The following CSMD1 variants were observed in gnomAD, a reference collection of about 807,000 sequenced individuals.
CSMD1 encodes the protein CUB and Sushi multiple domains 1, also known as CUB and sushi domain-containing protein 1.
A neutral mutation model predicts 417.5 loss-of-function variants in CSMD1; 213 were observed. That is an observed-to-expected ratio of 0.51 (90% CI 0.46 to 0.57). The LOEUF (loss-of-function observed/expected upper bound fraction) is 0.57. CSMD1 is among the 20% of genes least tolerant of loss of function. The pLI, the probability that CSMD1 is intolerant of heterozygous loss-of-function variation, is 0.00. For missense variants in CSMD1, 6,923 were observed against 4,529.7 expected (o/e 1.53, Z -15.17); for synonymous variants, 2,862 against 1,736.8 (o/e 1.65, Z -16.11).
intron 10 of CSMD1, among the ~76,000 whole-genome samples, chr8:3,508,667 T>G (rs1796936519): frequency 6.6e-6 from 1 of 152,176 alleles, no homozygotes; most frequent in Non-Finnish European, 1.5e-5. Flanking sequence ...TTATTGTACT[T>G]CCAGCTTATC....
chr8:4,200,433 C>A (rs1466228666), intron 3 of CSMD1, among the ~76,000 whole-genome samples: 2 of 152,172 alleles, frequency 1.3e-5, no homozygotes, highest in Admixed American at 6.5e-5. Context: ...AATAACCCCA[C>A]AGCCGTCTAC....
intron 3 of CSMD1, among the ~76,000 whole-genome samples, chr8:4,333,989 C>G (rs768401075): frequency 6.6e-6 from 1 of 152,208 alleles, no homozygotes; most frequent in East Asian, 1.9e-4. Flanking sequence ...TGTTCTGCCT[C>G]AAGCCATCCT....
At chr8:3,248,728 T>G (rs1800061160) in intron 26 of CSMD1, among the ~76,000 whole-genome samples, 1 of 152,070 alleles carries the variant, frequency 6.6e-6, no homozygotes, top group Admixed American at 6.6e-5. Context: ...CCAAACAGCT[T>G]TGACTAACAC....
At chr8:3,505,810 T>A in intron 10 of CSMD1, among the ~76,000 whole-genome samples, 1 of 152,146 alleles carries the variant, frequency 6.6e-6, no homozygotes, top group East Asian at 1.9e-4. Context: ...GATTTTTAAA[T>A]GTCTCAGGTA....
At chr8:4,502,534 C>G (rs914528254) in intron 2 of CSMD1, among the ~76,000 whole-genome samples, 5 of 152,128 alleles carry the variant, frequency 3.3e-5, no homozygotes, top group African/African-American at 1.2e-4. Flanking sequence ...CACATTAAAC[C>G]CCATAAGTGC....
At chr8:3,716,920 C>A (rs1297526046) in intron 6 of CSMD1, among the ~76,000 whole-genome samples, 1 of 152,068 alleles carries the variant, frequency 6.6e-6, no homozygotes, top group Non-Finnish European at 1.5e-5. Flanking sequence ...GGAGTACATC[C>A]TATTTAATTC....
At chr8:3,828,959 G>A (rs1459839847) in intron 5 of CSMD1, among the ~76,000 whole-genome samples, 1 of 151,960 alleles carries the variant, frequency 6.6e-6, no homozygotes, top group Non-Finnish European at 1.5e-5. Context: ...TCTTACATAT[G>A]GCAACACAGT....
intron 3 of CSMD1, among the ~76,000 whole-genome samples, chr8:4,232,959 G>C (rs1223588761): frequency 6.6e-6 from 1 of 152,090 alleles, no homozygotes; most frequent in Non-Finnish European, 1.5e-5. Context: ...AGCATAATTT[G>C]GTTATTCATA....
intron 8 of CSMD1, among the ~76,000 whole-genome samples, chr8:3,592,711 A>C (rs1444629855): frequency 2.1e-5 from 3 of 143,916 alleles, no homozygotes; most frequent in African/African-American, 2.5e-5. Flanking sequence ...TGTGTGTGTG[A>C]GTATGCACAG....
chr8:3,733,563 G>A (rs901899280), intron 6 of CSMD1, among the ~76,000 whole-genome samples: 10 of 151,946 alleles, frequency 6.6e-5, no homozygotes, highest in Non-Finnish European at 4.4e-5. Context: ...GTTGTAAGTT[G>A]CGGGCCATTC....
At chr8:3,927,755 G>A (rs527620608) in intron 5 of CSMD1, among the ~76,000 whole-genome samples, 28 of 152,160 alleles carry the variant, frequency 1.8e-4, no homozygotes, top group Admixed American at 6.6e-4. Flanking sequence ...ATTTGATTGC[G>A]TATAAGCAGA....
At chr8:4,442,503 A>G (rs1798543030) in intron 2 of CSMD1, among the ~76,000 whole-genome samples, 1 of 152,144 alleles carries the variant, frequency 6.6e-6, no homozygotes, top group Non-Finnish European at 1.5e-5. Flanking sequence ...TATATAAAAG[A>G]TGTTATTCCT....
intron 3 of CSMD1, among the ~76,000 whole-genome samples, chr8:4,237,303 G>A (rs550739435): frequency 6.6e-6 from 1 of 152,264 alleles, no homozygotes; most frequent in East Asian, 1.9e-4. Flanking sequence ...AATATTGAGA[G>A]GGAATGTTAA....
At position 2,938,419 on chromosome 8, in the gene CSMD1, T is replaced by C. The variant is rs1801642759; in HGVS notation, c.*166A>G. 1.3e-5 allele frequency: 8 copies of C among 638,426 alleles called. No homozygotes were observed. Among genetic ancestry groups the C allele is most frequent in the Non-Finnish European group, 2.1e-5 (8 of 381,170 alleles). The allele number at this position is 638,426 out of a possible 1,614,324, so 39.5% of individuals were successfully genotyped here. ...GTGTAGTTTGATCCGTAGAAGACCCTGACACATTTGAGTAGAGATCCCCGC... is the reference window on the plus strand; with the variant it reads ...GTGTAGTTTGATCCGTAGAAGACCCCGACACATTTGAGTAGAGATCCCCGC... On this transcript the variant is annotated 3_prime_UTR_variant, in exon 70 of 70. Transcript: ENST00000635120.
At chr8:4,580,236 C>A (rs564844416) in intron 2 of CSMD1, among the ~76,000 whole-genome samples, 2 of 152,316 alleles carry the variant, frequency 1.3e-5, no homozygotes, top group East Asian at 1.9e-4. Flanking sequence ...GTGGGTACTG[C>A]CTTAACACGC....
chr8:4,339,388 C>G (rs1397144294), intron 3 of CSMD1, among the ~76,000 whole-genome samples: 1 of 152,036 alleles, frequency 6.6e-6, no homozygotes, highest in Admixed American at 6.6e-5. Context: ...TCTTGTCATG[C>G]CCTGTGCTAA....
At chr8:4,391,777 C>T (rs750587033) in intron 3 of CSMD1, among the ~76,000 whole-genome samples, 10 of 152,166 alleles carry the variant, frequency 6.6e-5, no homozygotes, top group African/African-American at 9.7e-5. Flanking sequence ...TTCCCTCTCC[C>T]CTGAGTTTGA....
At chr8:3,146,916 G>C (rs977855262) in intron 40 of CSMD1, among the ~76,000 whole-genome samples, 1 of 152,150 alleles carries the variant, frequency 6.6e-6, no homozygotes, top group Admixed American at 6.6e-5. Context: ...CAATCGATCA[G>C]GCAATCCCAT....
chr8:4,548,662 G>A (rs1027987341), intron 2 of CSMD1, among the ~76,000 whole-genome samples: 1 of 152,042 alleles, frequency 6.6e-6, no homozygotes, highest in Non-Finnish European at 1.5e-5. Context: ...ATCACAATTA[G>A]GTGTTTGATT....
Sources: gnomAD v4.1 joint callset for allele counts (sites outside exome capture counted in the v4.1 genomes callset) on GRCh38, gnomAD v4.1.1 for gene constraint, MANE v1.5 for transcripts, NCBI Gene and HGNC (gene_info 2026-07-23, HGNC 2026-07-21) for gene names.